VTI1A: variants seen among roughly 807,000 people sequenced by gnomAD.
The protein encoded by VTI1A is vesicle transport through interaction with t-SNAREs homolog 1A.
Under a neutral mutation model 34.9 loss-of-function variants are expected in VTI1A, and 22 were observed. That is an observed-to-expected ratio of 0.63 (90% CI 0.45 to 0.90). The LOEUF (loss-of-function observed/expected upper bound fraction) is 0.90. Ranked by LOEUF, VTI1A falls within the 40% of genes least tolerant of loss-of-function variation. The probability of loss-of-function intolerance (pLI) is 0.00; values close to 1 mark genes in which losing one functional copy is unlikely to be tolerated. For synonymous variants in VTI1A, 87 were observed against 97.3 expected, an observed-to-expected ratio of 0.89 and a Z score of 0.62; for missense variants, 268 against 275.6, an observed-to-expected ratio of 0.97 and a Z score of 0.20.
chr10:112,788,974 A>G (rs968517614), intron 7 of VTI1A, among the ~76,000 whole-genome samples: 4 of 152,044 alleles, frequency 2.6e-5, no homozygotes, highest in African/African-American at 9.6e-5. Context: ...TTACGTATAG[A>G]TATGACTATG....
intron 3 of VTI1A, among the ~76,000 whole-genome samples, chr10:112,487,413 C>T (rs1459848749): frequency 2.6e-5 from 4 of 152,192 alleles, no homozygotes; most frequent in Non-Finnish European, 5.9e-5. Context: ...TGTGAGCCAC[C>T]GTGCCTGGCC....
At chr10:112,635,030 T>C (rs964351017) in intron 5 of VTI1A, among the ~76,000 whole-genome samples, 1 of 152,208 alleles carries the variant, frequency 6.6e-6, no homozygotes, top group African/African-American at 2.4e-5. Context: ...TCTAGGAGTC[T>C]CCTACGGACA....
intron 3 of VTI1A, among the ~76,000 whole-genome samples, chr10:112,471,026 C>G (rs551681529): frequency 6.6e-6 from 1 of 152,260 alleles, no homozygotes; most frequent in East Asian, 1.9e-4. Context: ...TTGCTGTTTA[C>G]TTAACTAATA....
chr10:112,628,975 C>T, intron 5 of VTI1A, among the ~76,000 whole-genome samples: 1 of 152,028 alleles, frequency 6.6e-6, no homozygotes, highest in East Asian at 1.9e-4. Flanking sequence ...CATCTCATAA[C>T]CCACACTTAA....
intron 5 of VTI1A, among the ~76,000 whole-genome samples, chr10:112,649,722 G>A (rs1846936471): frequency 6.6e-6 from 1 of 152,174 alleles, no homozygotes; most frequent in Non-Finnish European, 1.5e-5. Flanking sequence ...AGATGGCAGA[G>A]GATCCAGCAC....
In VTI1A at chr10:112,737,824, T is replaced by G. The variant is rs1850549217; in HGVS notation, c.560+68826T>G. 3 of 1,060,702 alleles carry G rather than the reference T, an allele frequency of 2.8e-6. No individual in the cohort carries two copies. The African/African-American group carries it at 4.9e-5, about 17-fold the overall frequency. 65.7% of individuals were successfully genotyped at this position (1,060,702 alleles called of 1,614,324 possible). On this transcript the variant is annotated intron_variant, in intron 7 of 7. Transcript: ENST00000393077. ...TTTTCTGTTGCTGAGTCATTTTTCT[T>G]GCATTTCTTTCTGCTTTTCCTGTTT...
At chr10:112,575,033 G>GGT (rs1182672641) in intron 5 of VTI1A, among the ~76,000 whole-genome samples, 6 of 152,208 alleles carry the variant, frequency 3.9e-5, no homozygotes, top group Non-Finnish European at 7.3e-5. Context: ...TACACAGCCA[G>GGT]GTAGTGGTGA....
intron 3 of VTI1A, among the ~76,000 whole-genome samples, chr10:112,474,256 G>A (rs544112109): frequency 1.0e-3 from 155 of 151,858 alleles, no homozygotes; most frequent in African/African-American, 3.4e-3. Flanking sequence ...TAGTAGAGAC[G>A]AGGTTTCACT....
chr10:112,628,741 A>G (rs898956067), intron 5 of VTI1A, among the ~76,000 whole-genome samples: 1 of 152,140 alleles, frequency 6.6e-6, no homozygotes, highest in Non-Finnish European at 1.5e-5. Context: ...GATCTAAACT[A>G]TATTTTATCT....
chr10:112,684,724 C>T (rs1848343320), intron 7 of VTI1A, among the ~76,000 whole-genome samples: 1 of 152,168 alleles, frequency 6.6e-6, no homozygotes, highest in South Asian at 2.1e-4. Flanking sequence ...CAGGTGTGAG[C>T]CACCACACCC....
rs758854267 is a variant in VTI1A, at chr10:112,810,646, G to A, written c.561-4644G>A. Among the ~76,000 whole-genome samples, 109 of 152,192 alleles carry A rather than the reference G, an allele frequency of 7.2e-4. 1 individual carries two copies. The highest frequency in any genetic ancestry group is 1.8e-4 in the Non-Finnish European group (12 of 68,034). On this transcript the variant is annotated intron_variant, in intron 7 of 7. Transcript: ENST00000393077. The stretch of plus-strand genomic sequence containing the variant: ...AAGTCACAAGCCTGCTCCTGGTCCA[G>A]TTACCATGGCCAGGGGCATGGAATG...
chr10:112,625,738 T>C (rs926940748), intron 5 of VTI1A, among the ~76,000 whole-genome samples: 2 of 151,688 alleles, frequency 1.3e-5, no homozygotes. Flanking sequence ...CAATGGACTT[T>C]GGGGACTTAG....
chr10:112,448,824 G>C (rs142784204), intron 1 of VTI1A: 3 of 152,084 alleles, frequency 2.0e-5, no homozygotes, highest in Non-Finnish European at 4.4e-5. Context: ...GTGTTTATAA[G>C]TAATTTTCTT....
At chr10:112,652,036 A>T (rs1194429597) in intron 5 of VTI1A, among the ~76,000 whole-genome samples, 3 of 152,208 alleles carry the variant, frequency 2.0e-5, no homozygotes, top group African/African-American at 4.8e-5. Context: ...GAATATTTGG[A>T]ATTCTATAGT....
intron 7 of VTI1A, among the ~76,000 whole-genome samples, chr10:112,727,927 G>A (rs997630117): frequency 2.6e-5 from 4 of 152,002 alleles, no homozygotes; most frequent in African/African-American, 7.3e-5. Context: ...GTTACCAGGC[G>A]GCCTGAGGAC....
At chr10:112,832,964 T>G in the VTI1A span, among the ~76,000 whole-genome samples, 129,594 of 152,208 alleles carry the variant, frequency 0.85, 55,409 homozygotes, top group African/African-American at 0.91. Flanking sequence ...CCAGCACCAG[T>G]TGGGTCTGAG....
intron 5 of VTI1A, among the ~76,000 whole-genome samples, chr10:112,635,511 T>C (rs1015619114): frequency 6.6e-6 from 1 of 152,126 alleles, no homozygotes. Context: ...GGCTTAAACC[T>C]TGGATTTTTC....
chr10:112,688,269 C>T (rs1245806459), intron 7 of VTI1A, among the ~76,000 whole-genome samples: 1 of 151,666 alleles, frequency 6.6e-6, no homozygotes, highest in African/African-American at 2.4e-5. Flanking sequence ...TTTTTCTTCT[C>T]ATTTTTATTA....
intron 3 of VTI1A, among the ~76,000 whole-genome samples, chr10:112,478,667 C>A (rs1193442430): frequency 1.3e-5 from 2 of 152,048 alleles, no homozygotes; most frequent in African/African-American, 4.8e-5. Context: ...AAATTAATCA[C>A]TCTATGATAG....
Sources: gnomAD v4.1 joint callset for allele counts (sites outside exome capture counted in the v4.1 genomes callset) on GRCh38, gnomAD v4.1.1 for gene constraint, MANE v1.5 for transcripts, NCBI Gene and HGNC (gene_info 2026-07-23, HGNC 2026-07-21) for gene names.